AGAP1: variants seen among roughly 807,000 people sequenced by gnomAD.
The protein encoded by AGAP1 is ArfGAP with GTPase domain, ankyrin repeat and PH domain 1, also known as arf-GAP with GTPase, ANK repeat and PH domain-containing protein 1.
In AGAP1, 29 loss-of-function variants were observed where a neutral mutation model predicts 105.3. That is an observed-to-expected ratio of 0.28 (90% CI 0.21 to 0.38). The LOEUF (loss-of-function observed/expected upper bound fraction) is 0.38. Ranked by LOEUF, AGAP1 falls within the 10% of genes least tolerant of loss-of-function variation. The probability of loss-of-function intolerance (pLI) is 1.00; values close to 1 mark genes in which losing one functional copy is unlikely to be tolerated. For synonymous variants in AGAP1, 509 were observed against 485.9 expected (o/e 1.05, Z -0.63); for missense variants, 998 against 1,165.1 (o/e 0.86, Z 2.09).
intron 1 of AGAP1, among the ~76,000 whole-genome samples, chr2:235,604,572 C>CTTTTTTTTTTTTTTTTTTTTTTTTTTTTT (rs1166523228): frequency 4.3e-5 from 3 of 69,680 alleles, no homozygotes; most frequent in Non-Finnish European, 7.4e-5. Flanking sequence ...TTTTTATTAT[C>CTTTTTTTTTTTTTTTTTTTTTTTTTTTTT]TTTTTTTTTT....
chr2:236,104,201 C>T lies in AGAP1; in HGVS notation c.2115-15991C>T, dbSNP rs1224629250. 6.6e-6 allele frequency among the ~76,000 whole-genome samples: 1 copy of T among 152,344 alleles called. No individual in the cohort carries two copies. The highest frequency in any genetic ancestry group is 1.9e-4 in the East Asian group (1 of 5,160). On this transcript the variant is annotated intron_variant, in intron 16 of 17. Coordinates refer to ENST00000304032, the MANE Select transcript of AGAP1 (RefSeq NM_001037131.3). This position sits in a 1 kb window ranked among gnomAD's most constrained non-coding sequence, Gnocchi z 4.7. Reference sequence around the variant, plus strand: ...GAGGCTGAGGGCCCGCTCCAGCAGCCGGGGCGCTGGTAGGGCCAGGCCTGT... The same window carrying T: ...GAGGCTGAGGGCCCGCTCCAGCAGCTGGGGCGCTGGTAGGGCCAGGCCTGT...
chr2:235,809,689 A>G (rs183162616), intron 9 of AGAP1, among the ~76,000 whole-genome samples: 31 of 152,270 alleles, frequency 2.0e-4, no homozygotes, highest in African/African-American at 6.5e-4. Flanking sequence ...TCTATCTCAC[A>G]TCCCTGTGTG....
intron 16 of AGAP1, among the ~76,000 whole-genome samples, chr2:236,116,354 G>GTTTTTTTTTTTTTTTTTT (rs1382491873): frequency 1.1e-5 from 1 of 90,638 alleles, no homozygotes; most frequent in Admixed American, 1.0e-4. Flanking sequence ...GGTTAATTAA[G>GTTTTTTTTTTTTTTTTTT]TTCTTTTTTT....
At chr2:235,954,932 G>T (rs1389268737) in intron 12 of AGAP1, among the ~76,000 whole-genome samples, 1 of 152,088 alleles carries the variant, frequency 6.6e-6, no homozygotes, top group African/African-American at 2.4e-5. Flanking sequence ...CAAGCACATG[G>T]TAGATGGGCC....
At position 235,867,691 on chromosome 2, in the gene AGAP1, A is replaced by G. The variant is rs1304027435; in HGVS notation, c.1051-15654A>G. Reference sequence around the variant, plus strand: ...CTGCAGGGTATAGCTTAGCATAATGAGAGGGCAAAAGCAAGATGACTAAGT... The same window carrying G: ...CTGCAGGGTATAGCTTAGCATAATGGGAGGGCAAAAGCAAGATGACTAAGT... On this transcript the variant is annotated intron_variant, in intron 9 of 17. Coordinates refer to ENST00000304032, the MANE Select transcript of AGAP1 (RefSeq NM_001037131.3). The surrounding 1 kb of genome is among the most constrained non-coding windows in gnomAD (Gnocchi z 5.4). Among the ~76,000 whole-genome samples, 3 of 152,270 alleles carry G rather than the reference A, an allele frequency of 2.0e-5. No individual in the cohort carries two copies. Among genetic ancestry groups the G allele is most frequent in the African/African-American group, 7.2e-5 (3 of 41,548 alleles).
At chr2:235,563,250 G>A (rs767451901) in intron 1 of AGAP1, among the ~76,000 whole-genome samples, 10 of 151,962 alleles carry the variant, frequency 6.6e-5, no homozygotes, top group East Asian at 1.9e-4. Context: ...CCCACTCGGC[G>A]TCCCCAGCAC....
chr2:235,742,504 A>C (rs1398745978), intron 4 of AGAP1, among the ~76,000 whole-genome samples: 9 of 152,190 alleles, frequency 5.9e-5, no homozygotes, highest in Admixed American at 5.9e-4. Context: ...GTTAAAAGTG[A>C]AAACTTAGTT....
At chr2:236,006,540 G>A (rs1306258808) in intron 13 of AGAP1, among the ~76,000 whole-genome samples, 1 of 152,100 alleles carries the variant, frequency 6.6e-6, no homozygotes, top group Non-Finnish European at 1.5e-5. Flanking sequence ...ATTCTTACTG[G>A]CATAAAATTG....
intron 6 of AGAP1, chr2:235,774,309 C>A (rs1356265026): frequency 8.5e-6 from 4 of 469,092 alleles, no homozygotes; most frequent in African/African-American, 6.0e-5. Flanking sequence ...ACACCTGTCG[C>A]CAGCCCAGGG....
rs545769988 is a variant in AGAP1, at chr2:235,866,196, T to G, written c.1051-17149T>G. 4.6e-5 allele frequency among the ~76,000 whole-genome samples: 7 copies of G among 152,198 alleles called. No individual in the cohort carries two copies. Among genetic ancestry groups the G allele is most frequent in the Non-Finnish European group, 8.8e-5 (6 of 68,050 alleles). On this transcript the variant is annotated intron_variant, in intron 9 of 17. Coordinates refer to ENST00000304032, the MANE Select transcript of AGAP1 (RefSeq NM_001037131.3). This position sits in a 1 kb window ranked among gnomAD's most constrained non-coding sequence, Gnocchi z 6.1. Reference sequence around the variant, plus strand: ...AGATTTTTGGTGGACTGCTTTGATGTTTTATTTTCTGAGACTAGGAGTATC... The same window carrying G: ...AGATTTTTGGTGGACTGCTTTGATGGTTTATTTTCTGAGACTAGGAGTATC...
Position 236,116,357 on chromosome 2 carries a change from C to CT in AGAP1, c.2115-3825dup, listed in dbSNP as rs371846381. On this transcript the variant is annotated intron_variant, in intron 16 of 17. Coordinates refer to ENST00000304032, the MANE Select transcript of AGAP1 (RefSeq NM_001037131.3). ...CAGGTGGTATTTGGTTAATTAAGTT[C>CT]TTTTTTTTTTGAGAGAGAGTTTTGC... Among the ~76,000 whole-genome samples the CT allele has an allele frequency of 1.6e-3, 208 of 129,130 alleles. 9 individuals are homozygous for CT. The highest frequency in any genetic ancestry group is 2.4e-3 in the Non-Finnish European group (148 of 60,472). 84.7% of individuals were successfully genotyped at this position (129,130 alleles called of 152,430 possible). A position where few individuals can be genotyped will look rare whatever the true frequency, so the allele number is the denominator to read the frequency against.
rs2051324390 is a variant in AGAP1, at chr2:235,906,715, T to C, written c.1156-2023T>C. On this transcript the variant is annotated intron_variant, in intron 10 of 17. Coordinates refer to ENST00000304032, the MANE Select transcript of AGAP1 (RefSeq NM_001037131.3). The surrounding 1 kb of genome is among the most constrained non-coding windows in gnomAD (Gnocchi z 5.3). ...GGTTGGGCAGGGAGAAAACAGCTCT[T>C]CTCATCCTCTGCCCTGAGGACCCAC... Among the ~76,000 whole-genome samples, 1 of 150,272 alleles carries C rather than the reference T, an allele frequency of 6.7e-6. No individual in the cohort carries two copies. The highest frequency in any genetic ancestry group is 2.5e-5 in the African/African-American group (1 of 39,640).
intron 16 of AGAP1, among the ~76,000 whole-genome samples, chr2:236,075,427 T>G (rs956307589): frequency 6.6e-6 from 1 of 152,092 alleles, no homozygotes; most frequent in Non-Finnish European, 1.5e-5. Context: ...GACAGATGAA[T>G]GGGGGATGAA....
At chr2:235,678,584 T>A (rs1948884093) in intron 1 of AGAP1, among the ~76,000 whole-genome samples, 1 of 152,090 alleles carries the variant, frequency 6.6e-6, no homozygotes, top group Admixed American at 6.5e-5. Context: ...GGACTTCAAG[T>A]CCCATCCTAG....
In AGAP1 at chr2:236,113,756, G is replaced by GA. The variant is rs927012921; in HGVS notation, c.2115-6431dup. ...GTCTGTCTCCGAGCTGGCAGACCCC[G>GA]AAAAATCCAGAGGGTTCACGGCTCC... On this transcript the variant is annotated intron_variant, in intron 16 of 17. Coordinates refer to ENST00000304032, the MANE Select transcript of AGAP1 (RefSeq NM_001037131.3). The surrounding 1 kb of genome is among the most constrained non-coding windows in gnomAD (Gnocchi z 4.3). Among the ~76,000 whole-genome samples, 10 of 152,082 alleles carry GA rather than the reference G, an allele frequency of 6.6e-5. No homozygotes were observed. Among genetic ancestry groups the GA allele is most frequent in the Non-Finnish European group, 8.8e-5 (6 of 68,016 alleles).
chr2:236,026,964 T>A (rs2057075375), intron 13 of AGAP1, among the ~76,000 whole-genome samples: 1 of 152,134 alleles, frequency 6.6e-6, no homozygotes, highest in Non-Finnish European at 1.5e-5. Flanking sequence ...ACTGCCACTT[T>A]AAGAGAGGAA....
At position 235,927,657 on chromosome 2, in the gene AGAP1, C is replaced by A. The variant is rs1311179336; in HGVS notation, c.1325-3108C>A. On this transcript the variant is annotated intron_variant, in intron 11 of 17. Transcript: ENST00000304032. This position sits in a 1 kb window ranked among gnomAD's most constrained non-coding sequence, Gnocchi z 4.4. ...TCTCCTTACTGTGTGTTGATACTTA[C>A]TTCTGGAGCTTTATTGCAAGTAGTC... 6.6e-6 allele frequency among the ~76,000 whole-genome samples: 1 copy of A among 152,218 alleles called. No individual in the cohort carries two copies. Among genetic ancestry groups the A allele is most frequent in the South Asian group, 2.1e-4 (1 of 4,828 alleles).
chr2:235,652,190 T>G (rs530151780), intron 1 of AGAP1, among the ~76,000 whole-genome samples: 1 of 152,272 alleles, frequency 6.6e-6, no homozygotes, highest in South Asian at 2.1e-4. Context: ...ACTGGTCAAC[T>G]GGAAGCTTGA....
chr2:235,929,332 T>C (rs1041499290), intron 11 of AGAP1, among the ~76,000 whole-genome samples: 2 of 152,164 alleles, frequency 1.3e-5, no homozygotes, highest in Admixed American at 6.5e-5. Context: ...CTCTTGGCGA[T>C]GCTGCTTCTG....
Sources: allele counts gnomAD v4.1 joint callset (sites outside exome capture counted in the v4.1 genomes callset), GRCh38; gene constraint gnomAD v4.1.1; non-coding constraint Gnocchi (gnomAD v3.1); transcripts MANE v1.5; gene names NCBI Gene and HGNC (gene_info 2026-07-23, HGNC 2026-07-21).